Variants in HECW1 observed in about 807,000 individuals in gnomAD.
HECW1 encodes HECT, C2 and WW domain containing E3 ubiquitin protein ligase 1.
In HECW1, 61 loss-of-function variants were observed where a neutral mutation model predicts 182.3. That is an observed-to-expected ratio of 0.33 (90% confidence interval 0.27 to 0.41). The LOEUF is 0.41. Among genes scored for constraint, HECW1 ranks in the 10% least tolerant of loss-of-function variants. HECW1 has a pLI of 1.00. For missense variants in HECW1, 1,739 were observed against 2,108.9 expected (o/e 0.82, Z 3.44); for synonymous variants, 859 against 832.6 (o/e 1.03, Z -0.55).
At chr7:43,298,422 C>T (rs1193233645) in intron 3 of HECW1, among the ~76,000 whole-genome samples, 2 of 152,232 alleles carry the variant, frequency 1.3e-5, no homozygotes, top group African/African-American at 4.8e-5. Context: ...TAGCAGTTTA[C>T]AGTCCCCCTG....
chr7:43,457,530 T>C (rs2077443040), intron 13 of HECW1, among the ~76,000 whole-genome samples: 1 of 152,162 alleles, frequency 6.6e-6, no homozygotes, highest in South Asian at 2.1e-4. Context: ...CCCAGCACTT[T>C]GGGAGGCTGA....
chr7:43,162,510 T>C (rs1025465113), intron 2 of HECW1, among the ~76,000 whole-genome samples: 1 of 152,254 alleles, frequency 6.6e-6, no homozygotes, highest in African/African-American at 2.4e-5. Flanking sequence ...GGATTTAGGA[T>C]CCACCTGAAT....
chr7:43,561,849 C>T lies in HECW1; in HGVS notation c.4744C>T (p.Pro1582Ser), dbSNP rs1372876879. 1 of 1,614,028 alleles carries T rather than the reference C, an allele frequency of 6.2e-7. No homozygotes were observed. The highest frequency in any genetic ancestry group is 1.3e-5 in the African/African-American group (1 of 75,054). Residue 1582 changes from proline to serine, a missense_variant, in exon 30 of 30, where the codon CCG (proline) becomes TCG (serine). Pro to Ser is a moderately conservative substitution (Grantham distance 74). Around this residue, in one of 5 missense-constraint regions of HECW1, gnomAD observed 420 missense variants for 595.7 expected, o/e 0.71. Coordinates refer to ENST00000395891, the MANE Select transcript of HECW1 (RefSeq NM_015052.5). ...ATGCTTCAACCGACTGGATCTTCCA[C>T]CGTATCCCTCGTACTCCATGTTGTA... The part of the protein sequence containing the change: ...HTCFNRLDLP[P>S]YPSYSMLYEK...
At chr7:43,471,291 AG>A (rs1334440130) in intron 16 of HECW1, among the ~76,000 whole-genome samples, 1 of 152,222 alleles carries the variant, frequency 6.6e-6, no homozygotes, top group Non-Finnish European at 1.5e-5. Context: ...GCTGCACAGG[AG>A]GCTGAGAGTT....
chr7:43,384,525 G>A (rs141652785), intron 6 of HECW1, among the ~76,000 whole-genome samples: 1,572 of 152,218 alleles, frequency 0.01, 14 homozygotes, highest in Middle Eastern at 0.017. Context: ...TGTTACATTA[G>A]CAAGAAAAAA....
intron 2 of HECW1, among the ~76,000 whole-genome samples, chr7:43,195,969 G>A (rs1363219872): frequency 6.6e-6 from 1 of 152,164 alleles, no homozygotes; most frequent in African/African-American, 2.4e-5. Context: ...TGAGGTTCTA[G>A]GAGAAACCCA....
chr7:43,274,640 G>GGAGGGAGAGAGAGAGAGAGA, intron 3 of HECW1: 1 of 349,594 alleles, frequency 2.9e-6, no homozygotes, highest in South Asian at 2.4e-5. Context: ...CCCGGGGGAG[G>GGAGGGAGAGAGAGAGAGAGA]GAGGGAGAGA....
At chr7:43,430,991 A>C (rs2076532105) in intron 8 of HECW1, among the ~76,000 whole-genome samples, 1 of 152,006 alleles carries the variant, frequency 6.6e-6, no homozygotes, top group Admixed American at 6.6e-5. Flanking sequence ...CATGTTGGCC[A>C]GGCTGGTCTC....
At chr7:43,559,989 A>T (rs1330594016) in intron 29 of HECW1, among the ~76,000 whole-genome samples, 1 of 152,196 alleles carries the variant, frequency 6.6e-6, no homozygotes, top group Non-Finnish European at 1.5e-5. Context: ...TTTGGTTCCA[A>T]CTAATTTGTA....
At chr7:43,195,957 A>G (rs900110338) in intron 2 of HECW1, among the ~76,000 whole-genome samples, 13 of 152,182 alleles carry the variant, frequency 8.5e-5, no homozygotes, top group South Asian at 2.1e-4. Flanking sequence ...ATGAGCGTAT[A>G]ATGAGGTTCT....
chr7:43,421,888 C>T (rs193034780), intron 8 of HECW1, among the ~76,000 whole-genome samples: 51 of 152,234 alleles, frequency 3.4e-4, no homozygotes, highest in African/African-American at 1.0e-3. Flanking sequence ...AGGTGGGAAA[C>T]GAGGAAGCCT....
At chr7:43,293,247 G>GA (rs375166174) in intron 3 of HECW1, among the ~76,000 whole-genome samples, 2,630 of 147,622 alleles carry the variant, frequency 0.018, 86 homozygotes, top group African/African-American at 0.062. Flanking sequence ...GAAAAGAAAA[G>GA]AAAAAAAAGA....
chr7:43,506,560 G>A (rs979368846), intron 21 of HECW1, among the ~76,000 whole-genome samples: 4 of 152,062 alleles, frequency 2.6e-5, no homozygotes, highest in Admixed American at 2.6e-4. Context: ...AGGGCTTGTG[G>A]GAGAAGAAAA....
chr7:43,407,652 T>C lies in HECW1; in HGVS notation c.722T>C (p.Phe241Ser), dbSNP rs1268444411. 6.2e-7 allele frequency: 1 copy of C among 1,613,750 alleles called. No homozygotes were observed. Among genetic ancestry groups the C allele is most frequent in the South Asian group, 1.1e-5 (1 of 91,034 alleles). ...ISIQPGKHSI[F>S]PALPHHGQER... ...ATTCAGCCTGGGAAACACAGCATCTTCCCCGCCCTCCCTCACCATGGACAG... is the reference window on the plus strand; with the variant it reads ...ATTCAGCCTGGGAAACACAGCATCTCCCCCGCCCTCCCTCACCATGGACAG... Residue 241 changes from phenylalanine (F) to serine (S), a missense_variant, in exon 8 of 30, where the codon TTC (phenylalanine) becomes TCC (serine). This residue lies in a region of HECW1 where 279 missense variants were observed against 353.1 expected (regional missense o/e 0.79). Coordinates refer to ENST00000395891, the MANE Select transcript of HECW1 (RefSeq NM_015052.5).
At chr7:43,325,827 T>C (rs576748328) in intron 5 of HECW1, among the ~76,000 whole-genome samples, 133 of 152,334 alleles carry the variant, frequency 8.7e-4, no homozygotes, top group African/African-American at 3.2e-3. Context: ...GAAACCTGGC[T>C]GGATGCACAC....
intron 6 of HECW1, among the ~76,000 whole-genome samples, chr7:43,371,806 T>C (rs1245342082): frequency 6.6e-6 from 1 of 152,086 alleles, no homozygotes; most frequent in Non-Finnish European, 1.5e-5. Context: ...CTCAATACAT[T>C]TTTTGTTGAT....
chr7:43,452,027 C>A (rs1278821373), intron 12 of HECW1, among the ~76,000 whole-genome samples: 3 of 152,172 alleles, frequency 2.0e-5, no homozygotes, highest in African/African-American at 7.2e-5. Context: ...GGTGAGAAAT[C>A]AAAGAACATC....
intron 17 of HECW1, among the ~76,000 whole-genome samples, chr7:43,480,696 T>TATATAC (rs577524160): frequency 7.4e-6 from 1 of 135,280 alleles, no homozygotes; most frequent in South Asian, 2.5e-4. Flanking sequence ...TATATATATA[T>TATATAC]ACACACACAC....
At chr7:43,520,684 C>G (rs1424580424) in intron 24 of HECW1, among the ~76,000 whole-genome samples, 2 of 151,838 alleles carry the variant, frequency 1.3e-5, no homozygotes, top group African/African-American at 4.8e-5. Flanking sequence ...GTTTCCAAAC[C>G]CTTTTAGCTG....
Sources: allele counts gnomAD v4.1 joint callset (sites outside exome capture counted in the v4.1 genomes callset), GRCh38; gene constraint gnomAD v4.1.1; regional missense constraint gnomAD v4.1.1; transcripts MANE v1.5; gene names NCBI Gene and HGNC (gene_info 2026-07-23, HGNC 2026-07-21).